BAIAP2: variants seen among roughly 807,000 people sequenced by gnomAD.
BAIAP2 encodes BAR/IMD domain-containing adapter protein 2.
BAIAP2 carries 18 observed loss-of-function variants against 63.0 expected under a neutral mutation model. The observed-to-expected ratio is 0.29, with a 90% CI of 0.20 to 0.42. The LOEUF (loss-of-function observed/expected upper bound fraction) is 0.42. Among genes scored for constraint, BAIAP2 ranks in the 10% least tolerant of loss-of-function variants. The probability of loss-of-function intolerance (pLI) is 1.00; values close to 1 mark genes in which losing one functional copy is unlikely to be tolerated. For missense variants in BAIAP2, 610 were observed against 734.3 expected, an observed-to-expected ratio of 0.83 and a Z score of 1.96; for synonymous variants, 386 against 307.6, an observed-to-expected ratio of 1.25 and a Z score of -2.67.
chr17:81,039,743 G>A (rs1253031475), intron 1 of BAIAP2, among the ~76,000 whole-genome samples: 2 of 152,122 alleles, frequency 1.3e-5, no homozygotes, highest in African/African-American at 4.8e-5. Context: ...TTCCAAAGGT[G>A]GAGACCTGAG....
At chr17:81,042,510 G>A (rs1442492962) in intron 1 of BAIAP2, among the ~76,000 whole-genome samples, 6 of 151,948 alleles carry the variant, frequency 3.9e-5, no homozygotes, top group African/African-American at 7.3e-5. Flanking sequence ...TTCCTTCTTC[G>A]GATGGTCCTT....
chr17:81,089,734 T>G (rs1308364004), intron 6 of BAIAP2, among the ~76,000 whole-genome samples: 1 of 152,142 alleles, frequency 6.6e-6, no homozygotes, highest in Non-Finnish European at 1.5e-5. Flanking sequence ...AGCATTCCCA[T>G]CTGTGGCTGC....
chr17:81,080,068 C>T (rs1486125018), intron 3 of BAIAP2, among the ~76,000 whole-genome samples: 2 of 152,244 alleles, frequency 1.3e-5, no homozygotes, highest in Non-Finnish European at 1.5e-5. Context: ...CAACCGCGGA[C>T]AAGACTTAGT....
At chr17:81,071,397 G>C (rs1308244006) in intron 3 of BAIAP2, among the ~76,000 whole-genome samples, 1 of 152,214 alleles carries the variant, frequency 6.6e-6, no homozygotes, top group Non-Finnish European at 1.5e-5. Flanking sequence ...GGTGGGTGGT[G>C]ATGAGCTCTC....
intron 1 of BAIAP2, 92 bp downstream of exon 1, chr17:81,035,400 G>A: frequency 1.3e-6 from 1 of 747,688 alleles, no homozygotes; most frequent in Non-Finnish European, 1.6e-6. Flanking sequence ...GGCGGCCCCG[G>A]GGCCGCGCGC....
chr17:81,040,948 C>T (rs2046994159), intron 1 of BAIAP2, among the ~76,000 whole-genome samples: 1 of 152,214 alleles, frequency 6.6e-6, no homozygotes, highest in South Asian at 2.1e-4. Context: ...GAGGTAGGGC[C>T]TGAGCCCATG....
Position 81,115,879 on chromosome 17 carries a change from C to G in BAIAP2, c.*40C>G, listed in dbSNP as rs376863621. 2 of 1,610,670 alleles carry G rather than the reference C, an allele frequency of 1.2e-6. No individual in the cohort carries two copies. The highest frequency in any genetic ancestry group is 2.7e-5 in the African/African-American group (2 of 74,940). On this transcript the variant is annotated 3_prime_UTR_variant, in exon 14 of 14. Coordinates refer to ENST00000428708, the MANE Select transcript of BAIAP2 (RefSeq NM_001144888.2). ...GTGCTGCCCATCTGGTGGCTTCCCCCGCCCTTCCCATGTAGCCTGTTCTGT... is the reference window on the plus strand; with the variant it reads ...GTGCTGCCCATCTGGTGGCTTCCCCGGCCCTTCCCATGTAGCCTGTTCTGT...
At chr17:81,109,396 G>C (rs12946131) in intron 13 of BAIAP2, 2 of 807,076 alleles carry the variant, frequency 2.5e-6, no homozygotes, top group Non-Finnish European at 2.9e-6. Context: ...AAAAAAAAAA[G>C]AAAAAAAGAA....
chr17:81,071,984 C>T (rs371512159), intron 3 of BAIAP2, among the ~76,000 whole-genome samples: 1 of 152,252 alleles, frequency 6.6e-6, no homozygotes, highest in African/African-American at 2.4e-5. Context: ...TCATCCCCCC[C>T]TCCCCCTCTG....
chr17:81,099,447 T>TG lies in BAIAP2; in HGVS notation c.490-479dup, dbSNP rs370552662. Among the ~76,000 whole-genome samples, 905 of 152,132 alleles carry TG rather than the reference T, an allele frequency of 5.9e-3. 10 individuals carry two copies. Among genetic ancestry groups the TG allele is most frequent in the African/African-American group, 0.019 (807 of 41,498 alleles). On this transcript the variant is annotated intron_variant, in intron 6 of 13. Coordinates refer to ENST00000428708, the MANE Select transcript of BAIAP2 (RefSeq NM_001144888.2). The stretch of plus-strand genomic sequence containing the variant: ...CGTGCTGGGGCTGAGATGGCTGAGA[T>TG]GGCTGAGATGGAGGGGCCCTGGAGG...
chr17:81,106,611 C>T (rs555817999), intron 11 of BAIAP2, 134 bp from the exon 12 acceptor site: 28 of 1,032,390 alleles, frequency 2.7e-5, no homozygotes, highest in Middle Eastern at 2.4e-4. Context: ...CCAGGGCTGC[C>T]GCCTTGGCCT....
chr17:81,073,191 C>T (rs1227484833), intron 3 of BAIAP2, among the ~76,000 whole-genome samples: 1 of 152,166 alleles, frequency 6.6e-6, no homozygotes, highest in Non-Finnish European at 1.5e-5. Context: ...CACCCCTGCT[C>T]CTCAGAGATC....
chr17:81,079,898 G>A (rs796799741), intron 3 of BAIAP2, among the ~76,000 whole-genome samples: 7 of 152,300 alleles, frequency 4.6e-5, no homozygotes, highest in African/African-American at 1.7e-4. Context: ...CCTCAGCAGG[G>A]TGGGCCTGGG....
At chr17:81,062,307 ATTT>A (rs34176221) in intron 3 of BAIAP2, among the ~76,000 whole-genome samples, 9 of 148,230 alleles carry the variant, frequency 6.1e-5, no homozygotes, top group African/African-American at 1.7e-4. Flanking sequence ...CAATGGACTG[ATTT>A]TTTTTTTTTT....
In BAIAP2 at chr17:81,115,889, A is replaced by T; in HGVS notation, c.*50A>T. 1 of 1,608,448 alleles carries T rather than the reference A, an allele frequency of 6.2e-7. No individual in the cohort carries two copies. The highest frequency in any genetic ancestry group is 8.5e-7 in the Non-Finnish European group (1 of 1,178,022). On this transcript the variant is annotated 3_prime_UTR_variant, in exon 14 of 14. Transcript: ENST00000428708. ...TCTGGTGGCTTCCCCCGCCCTTCCC[A>T]TGTAGCCTGTTCTGTCATCATCTGT...
intron 10 of BAIAP2, chr17:81,105,849 G>A (rs889978370): frequency 8.4e-5 from 40 of 478,112 alleles, no homozygotes; most frequent in Non-Finnish European, 1.3e-4. Flanking sequence ...TGGTGGGGCC[G>A]GCAGCTCCCA....
chr17:81,079,184 G>C (rs996675219), intron 3 of BAIAP2, among the ~76,000 whole-genome samples: 18 of 152,212 alleles, frequency 1.2e-4, no homozygotes, highest in African/African-American at 4.3e-4. Context: ...CTCAGGTGCT[G>C]TTTTCCTTGC....
intron 7 of BAIAP2, among the ~76,000 whole-genome samples, chr17:81,101,908 C>T (rs1265446076): frequency 6.6e-6 from 1 of 152,274 alleles, no homozygotes; most frequent in South Asian, 2.1e-4. Context: ...GCCTGCTAGA[C>T]CCAGGACAGT....
intron 6 of BAIAP2, among the ~76,000 whole-genome samples, chr17:81,092,732 A>G (rs948284987): frequency 4.6e-5 from 7 of 152,168 alleles, no homozygotes; most frequent in African/African-American, 1.7e-4. Context: ...TTCACTCCCC[A>G]GGACCGTGGT....
Sources: allele counts gnomAD v4.1 joint callset (sites outside exome capture counted in the v4.1 genomes callset), GRCh38; gene constraint gnomAD v4.1.1; transcripts MANE v1.5; gene names NCBI Gene and HGNC (gene_info 2026-07-23, HGNC 2026-07-21).